ADGRB3: variants seen among roughly 807,000 people sequenced by gnomAD.
The protein encoded by ADGRB3 is adhesion G protein-coupled receptor B3.
ADGRB3 carries 37 observed loss-of-function variants against 193.4 expected under a neutral mutation model. The observed-to-expected ratio is 0.19, with a 90% CI of 0.15 to 0.25. ADGRB3 has a LOEUF of 0.25. Ranked by LOEUF, ADGRB3 falls within the 10% of genes least tolerant of loss-of-function variation. The pLI is 1.00. For missense variants in ADGRB3, 1,637 were observed against 1,852.9 expected (o/e 0.88, Z 2.14); for synonymous variants, 690 against 644.2 (o/e 1.07, Z -1.08).
In ADGRB3 at chr6:69,360,855, A is replaced by T. The variant is rs1282173574; in HGVS notation, c.3596-14A>T. On this transcript the variant is annotated splice_polypyrimidine_tract_variant and intron_variant, in intron 28 of 31. Transcript: ENST00000370598. ...ATTAACTCTCTTTCTTCAACTTTAC[A>T]TTCCTACTCACAGTTCTTCATAAGG... 1 of 1,559,726 alleles carries T rather than the reference A, an allele frequency of 6.4e-7. No individual in the cohort carries two copies. The highest frequency in any genetic ancestry group is 8.7e-7 in the Non-Finnish European group (1 of 1,155,808).
chr6:69,134,760 G>GTA (rs754418426), intron 17 of ADGRB3, among the ~76,000 whole-genome samples: 32 of 151,274 alleles, frequency 2.1e-4, no homozygotes, highest in South Asian at 8.4e-4. Context: ...TGGTGTGTGT[G>GTA]TATATATATA....
intron 3 of ADGRB3, among the ~76,000 whole-genome samples, chr6:68,814,692 A>G (rs1767593094): frequency 6.6e-6 from 1 of 152,174 alleles, no homozygotes; most frequent in African/African-American, 2.4e-5. Context: ...AAACAAGAGA[A>G]TTTTAGACCA....
chr6:69,288,373 G>A (rs928527243), intron 20 of ADGRB3, among the ~76,000 whole-genome samples: 11 of 152,130 alleles, frequency 7.2e-5, no homozygotes, highest in African/African-American at 2.7e-4. Context: ...CAAAGGACAT[G>A]AATTCATCCT....
At chr6:69,029,065 A>G (rs1770530618) in intron 13 of ADGRB3, among the ~76,000 whole-genome samples, 3 of 152,100 alleles carry the variant, frequency 2.0e-5, no homozygotes, top group Admixed American at 2.0e-4. Context: ...ACATCTTGGT[A>G]ATTGAAAGTC....
rs1218514026 is a variant in ADGRB3 at position 69,001,319 on chromosome 6, C to T, written c.1929+7357C>T. Among the ~76,000 whole-genome samples the T allele has an allele frequency of 1.3e-5, 2 of 152,176 alleles. 1 individual carries two copies. The highest frequency in any genetic ancestry group is 1.3e-4 in the Admixed American group (2 of 15,282). The stretch of plus-strand genomic sequence containing the variant: ...TCTGCATTTTCCACCATTCATCCTA[C>T]TTTGGAAAATATTTTGGAAAATAGG... On this transcript the variant is annotated intron_variant, in intron 11 of 31. Transcript: ENST00000370598.
At chr6:69,355,973 G>C (rs1456039788) in intron 28 of ADGRB3, 113 bp downstream of exon 28, 1 of 886,560 alleles carries the variant, frequency 1.1e-6, no homozygotes, top group Non-Finnish European at 1.7e-6. Flanking sequence ...TTCTGTGAAA[G>C]GGCTGTATAT....
At chr6:68,821,443 A>G (rs974122997) in intron 3 of ADGRB3, among the ~76,000 whole-genome samples, 2 of 151,984 alleles carry the variant, frequency 1.3e-5, no homozygotes, top group Non-Finnish European at 2.9e-5. Flanking sequence ...ACATTCAAAG[A>G]CATCCTAATT....
intron 3 of ADGRB3, among the ~76,000 whole-genome samples, chr6:68,700,005 T>C (rs1393702059): frequency 1.3e-5 from 2 of 152,106 alleles, no homozygotes; most frequent in African/African-American, 4.8e-5. Flanking sequence ...AATAACCATA[T>C]TAGGGAATCT....
chr6:68,825,656 G>C (rs949072134), intron 3 of ADGRB3, among the ~76,000 whole-genome samples: 5 of 152,004 alleles, frequency 3.3e-5, no homozygotes, highest in African/African-American at 1.2e-4. Context: ...TGAATCATGG[G>C]GGTGGTTTCC....
intron 16 of ADGRB3, among the ~76,000 whole-genome samples, chr6:69,068,900 G>A (rs1253807657): frequency 1.3e-5 from 2 of 152,050 alleles, no homozygotes; most frequent in Non-Finnish European, 2.9e-5. Context: ...CACTTCAGTG[G>A]CCTTCATGTA....
At chr6:69,208,425 A>G (rs1452928831) in intron 17 of ADGRB3, among the ~76,000 whole-genome samples, 1 of 152,166 alleles carries the variant, frequency 6.6e-6, no homozygotes, top group African/African-American at 2.4e-5. Context: ...GCTACAGCCT[A>G]TGAATCAGTA....
At chr6:68,772,891 AAAAATATATATATAT>A (rs1287465759) in intron 3 of ADGRB3, among the ~76,000 whole-genome samples, 1,542 of 35,776 alleles carry the variant, frequency 0.043, 52 homozygotes, top group Non-Finnish European at 0.054. Flanking sequence ...ACAAAAAAAA[AAAAATATATATATAT>A]ATATATATAT....
intron 23 of ADGRB3, chr6:69,331,531 T>C (rs1343436934): frequency 1.0e-6 from 1 of 985,390 alleles, no homozygotes; most frequent in South Asian, 4.7e-5. Context: ...TTTTCTCCCT[T>C]TAAGCTTGTT....
Position 69,091,183 on chromosome 6 carries a change from T to G in ADGRB3, c.2480+15145T>G, listed in dbSNP as rs1772694186. On this transcript the variant is annotated intron_variant, in intron 17 of 31. Coordinates refer to ENST00000370598, the MANE Select transcript of ADGRB3 (RefSeq NM_001704.3). ...TGGACAAAAAGGAATGCTTATACACTGTTGATGGGAGTGTAAATTCGTTCA... is the reference window on the plus strand; with the variant it reads ...TGGACAAAAAGGAATGCTTATACACGGTTGATGGGAGTGTAAATTCGTTCA... Among the ~76,000 whole-genome samples, 2 of 152,162 alleles carry G rather than the reference T, an allele frequency of 1.3e-5. 1 individual carries two copies. The highest frequency in any genetic ancestry group is 4.1e-4 in the South Asian group (2 of 4,824).
intron 3 of ADGRB3, among the ~76,000 whole-genome samples, chr6:68,869,264 G>A (rs1765393594): frequency 6.6e-6 from 1 of 152,056 alleles, no homozygotes; most frequent in Admixed American, 6.5e-5. Context: ...AATGTAAATA[G>A]CCTCTGGTTG....
At chr6:69,089,407 A>T (rs1042479744) in intron 17 of ADGRB3, among the ~76,000 whole-genome samples, 2 of 152,188 alleles carry the variant, frequency 1.3e-5, no homozygotes, top group Admixed American at 1.3e-4. Flanking sequence ...TATTAAAGGG[A>T]AAATTTTTGA....
In ADGRB3 at chr6:69,126,232, CACAT is replaced by C. The variant is rs780448849; in HGVS notation, c.2480+50234_2480+50237del. Among the ~76,000 whole-genome samples the C allele has an allele frequency of 4.7e-3, 656 of 138,454 alleles. 2 individuals are homozygous for C. Among genetic ancestry groups the C allele is most frequent in the South Asian group, 0.021 (90 of 4,306 alleles). 90.8% of individuals were successfully genotyped at this position (138,454 alleles called of 152,430 possible). On this transcript the variant is annotated intron_variant, in intron 17 of 31. Coordinates refer to ENST00000370598, the MANE Select transcript of ADGRB3 (RefSeq NM_001704.3). Reference sequence around the variant, plus strand: ...ATTGATAGATAGATAAATAGATACACACATACATACATACATACATACATACATA... The same window carrying C: ...ATTGATAGATAGATAAATAGATACACACATACATACATACATACATACATA...
intron 20 of ADGRB3, among the ~76,000 whole-genome samples, chr6:69,319,864 A>T (rs1194896043): frequency 6.6e-6 from 1 of 151,486 alleles, no homozygotes; most frequent in African/African-American, 2.4e-5. Flanking sequence ...TTTTTCATCC[A>T]ATATGAAAGT....
chr6:69,260,076 G>T (rs981840159), intron 20 of ADGRB3, among the ~76,000 whole-genome samples: 1 of 152,116 alleles, frequency 6.6e-6, no homozygotes, highest in East Asian at 1.9e-4. Flanking sequence ...CATGTGATGT[G>T]ATTTGTGCTC....
Sources: allele counts gnomAD v4.1 joint callset (sites outside exome capture counted in the v4.1 genomes callset), GRCh38; gene constraint gnomAD v4.1.1; transcripts MANE v1.5; gene names NCBI Gene and HGNC (gene_info 2026-07-23, HGNC 2026-07-21).